Variants in LAMC1 observed in about 807,000 individuals in gnomAD.
The protein encoded by LAMC1 is laminin subunit gamma-1.
A neutral mutation model predicts 173.6 loss-of-function variants in LAMC1; 38 were observed. The observed-to-expected ratio is 0.22, with a 90% CI of 0.17 to 0.29. LAMC1 has a LOEUF of 0.29. LAMC1 is among the 10% of genes least tolerant of loss of function. The pLI, the probability that LAMC1 is intolerant of heterozygous loss-of-function variation, is 1.00. For missense variants in LAMC1, 1,824 were observed against 2,051.8 expected (o/e 0.89, Z 2.14); for synonymous variants, 746 against 749.1 (o/e 1.00, Z 0.07).
At chr1:183,042,024 A>G (rs1654148665) in intron 1 of LAMC1, among the ~76,000 whole-genome samples, 1 of 152,218 alleles carries the variant, frequency 6.6e-6, no homozygotes, top group East Asian at 1.9e-4. Context: ...CCTCACCAGC[A>G]TTGTTAGATG....
chr1:183,104,837 C>T lies in LAMC1; in HGVS notation c.723+1205C>T, dbSNP rs72729428. ...GAGCAATGAGTGTGCTTGCCAACAC[C>T]TTGCAAAAAAGTGTTTCTTGCAATG... On this transcript the variant is annotated intron_variant, in intron 2 of 27. Transcript: ENST00000258341. Among the ~76,000 whole-genome samples, 1,194 of 152,004 alleles carry T rather than the reference C, an allele frequency of 7.9e-3. 17 individuals carry two copies. Among genetic ancestry groups the T allele is most frequent in the Non-Finnish European group, 8.1e-3 (550 of 67,970 alleles).
intron 22 of LAMC1, 144 bp downstream of exon 22, chr1:183,133,694 C>A (rs964373457): frequency 4.4e-5 from 33 of 756,448 alleles, no homozygotes; most frequent in Admixed American, 7.3e-5. Context: ...ATAGAACTTA[C>A]CAAGGTAGCC....
intron 2 of LAMC1, among the ~76,000 whole-genome samples, chr1:183,107,922 C>T (rs889095905): frequency 5.3e-5 from 8 of 152,118 alleles, no homozygotes; most frequent in Non-Finnish European, 7.4e-5. Context: ...GTATCCCTTA[C>T]TGGATTTGGG....
At chr1:183,048,127 A>G (rs1654318941) in intron 1 of LAMC1, among the ~76,000 whole-genome samples, 4 of 152,208 alleles carry the variant, frequency 2.6e-5, no homozygotes, top group African/African-American at 7.2e-5. Flanking sequence ...AAATGTAAAT[A>G]AAAGTGTTGA....
chr1:183,069,620 A>G (rs1441316221), intron 1 of LAMC1, among the ~76,000 whole-genome samples: 1 of 152,212 alleles, frequency 6.6e-6, no homozygotes, highest in Admixed American at 6.5e-5. Context: ...TTCTTGTAGC[A>G]TCCAACCAGA....
intron 18 of LAMC1, among the ~76,000 whole-genome samples, chr1:183,129,082 C>CTTTT (rs201079710): frequency 3.0e-4 from 33 of 110,016 alleles, no homozygotes; most frequent in African/African-American, 8.2e-4. Flanking sequence ...TCTTCATAAG[C>CTTTT]TTTTTTTTTT....
chr1:183,093,215 T>G (rs983091196), intron 1 of LAMC1, among the ~76,000 whole-genome samples: 2 of 152,156 alleles, frequency 1.3e-5, no homozygotes, highest in Non-Finnish European at 1.5e-5. Context: ...CCTTCCCTTG[T>G]GCCCAGCATT....
rs928389868 is a variant in LAMC1, at chr1:183,118,086, T to C, written c.1930T>C (p.Phe644Leu). ...GAGGCCTGCTCTTACCCCTTTTGAA[T>C]TTCAGAAGCTCCTAAACAACTTGAC... ...PWRPALTPFEFQKLLNNLTSI... is the reference protein window; with the variant it reads ...PWRPALTPFELQKLLNNLTSI... Residue 644 changes from phenylalanine (F) to leucine (L), a missense_variant, in exon 11 of 28, where the codon TTT (phenylalanine) becomes CTT (leucine). By Grantham distance (22) the Phe-to-Leu change is conservative. Transcript: ENST00000258341. The C allele has an allele frequency of 3.7e-6, 6 of 1,613,670 alleles. No individual in the cohort carries two copies. Among genetic ancestry groups the C allele is most frequent in the Admixed American group, 1.7e-5 (1 of 60,002 alleles).
chr1:183,083,103 G>A (rs1005894424), intron 1 of LAMC1, among the ~76,000 whole-genome samples: 1 of 152,120 alleles, frequency 6.6e-6, no homozygotes, highest in African/African-American at 2.4e-5. Flanking sequence ...ATAACTTTTT[G>A]AATTGGTGCA....
chr1:183,088,660 A>C (rs1655492457), intron 1 of LAMC1, among the ~76,000 whole-genome samples: 1 of 152,254 alleles, frequency 6.6e-6, no homozygotes, highest in Non-Finnish European at 1.5e-5. Context: ...GAAACACAAA[A>C]GAATAAATAC....
intron 1 of LAMC1, among the ~76,000 whole-genome samples, chr1:183,047,115 C>G (rs964562639): frequency 6.6e-6 from 1 of 152,084 alleles, no homozygotes; most frequent in Non-Finnish European, 1.5e-5. Context: ...AGGTAGTATA[C>G]AGATATTATT....
intron 1 of LAMC1, among the ~76,000 whole-genome samples, chr1:183,037,752 G>A (rs1428699616): frequency 2.0e-5 from 3 of 151,758 alleles, no homozygotes; most frequent in Non-Finnish European, 4.4e-5. Context: ...ATTTTTTTTG[G>A]CTTTATTTTT....
At chr1:183,095,564 C>G (rs1655672139) in intron 1 of LAMC1, among the ~76,000 whole-genome samples, 1 of 152,192 alleles carries the variant, frequency 6.6e-6, no homozygotes, top group Admixed American at 6.5e-5. Flanking sequence ...TTCTTTGTGA[C>G]TCCGTTAAAT....
chr1:183,132,363 G>T (rs1656820503), intron 20 of LAMC1, 37 bp from the exon 21 acceptor site: 1 of 1,554,140 alleles, frequency 6.4e-7, no homozygotes, highest in Non-Finnish European at 8.8e-7. Context: ...CTATCAGATG[G>T]TTGTTTCATG....
At chr1:183,071,747 T>G (rs1655017600) in intron 1 of LAMC1, among the ~76,000 whole-genome samples, 1 of 152,224 alleles carries the variant, frequency 6.6e-6, no homozygotes, top group Admixed American at 6.5e-5. Context: ...CTGCCTAACA[T>G]GACCCTCAAG....
chr1:183,064,367 G>A (rs1214835499), intron 1 of LAMC1, among the ~76,000 whole-genome samples: 2 of 152,166 alleles, frequency 1.3e-5, no homozygotes, highest in Non-Finnish European at 2.9e-5. Context: ...AACCTGTATA[G>A]CATGTGACTG....
intron 1 of LAMC1, among the ~76,000 whole-genome samples, chr1:183,037,194 G>T (rs1239813323): frequency 6.6e-6 from 1 of 152,224 alleles, no homozygotes; most frequent in Non-Finnish European, 1.5e-5. Flanking sequence ...TCAGGATGAG[G>T]TCCTGGATTT....
chr1:183,038,294 T>G (rs886662848), intron 1 of LAMC1, among the ~76,000 whole-genome samples: 3 of 152,112 alleles, frequency 2.0e-5, no homozygotes, highest in African/African-American at 7.2e-5. Context: ...CCTAAAGTCC[T>G]GGGGTTACAG....
intron 1 of LAMC1, among the ~76,000 whole-genome samples, chr1:183,039,138 G>A (rs1387258173): frequency 2.6e-5 from 4 of 151,890 alleles, no homozygotes; most frequent in Non-Finnish European, 1.5e-5. Context: ...ATGCCACTAA[G>A]TTTAAAGAAT....
Sources: allele counts gnomAD v4.1 joint callset (sites outside exome capture counted in the v4.1 genomes callset), GRCh38; gene constraint gnomAD v4.1.1; transcripts MANE v1.5; gene names NCBI Gene and HGNC (gene_info 2026-07-23, HGNC 2026-07-21).